MINDY2: variants seen among roughly 807,000 people sequenced by gnomAD.
MINDY2 encodes MINDY lysine 48 deubiquitinase 2.
Under a neutral mutation model 68.2 loss-of-function variants are expected in MINDY2, and 52 were observed. The ratio of observed to expected loss-of-function variants is 0.76; its 90% CI spans 0.61 to 0.96. MINDY2 has a LOEUF of 0.96. Ranked by LOEUF, MINDY2 falls within the 40% of genes least tolerant of loss-of-function variation. The pLI is 0.00. For synonymous variants in MINDY2, 372 were observed against 303.0 expected, an observed-to-expected ratio of 1.23 and a Z score of -2.36; for missense variants, 881 against 773.4, an observed-to-expected ratio of 1.14 and a Z score of -1.65.
chr15:58,792,106 T>C lies in MINDY2; in HGVS notation c.898+4143T>C, dbSNP rs150580878. ...ATAAGGAGGTCATTGATAACCTTGA[T>C]GAGTGTATGGAATGAAAACCTGACT... On this transcript the variant is annotated intron_variant, in intron 2 of 8. Coordinates refer to ENST00000559228, the MANE Select transcript of MINDY2 (RefSeq NM_001040450.3). Among the ~76,000 whole-genome samples the C allele has an allele frequency of 3.3e-5, 5 of 152,276 alleles. No homozygotes were observed. In the East Asian group the frequency reaches 7.7e-4, roughly 23 times the overall value.
intron 2 of MINDY2, among the ~76,000 whole-genome samples, chr15:58,799,684 T>A (rs567575052): frequency 3.3e-5 from 5 of 152,270 alleles, no homozygotes; most frequent in African/African-American, 7.2e-5. Context: ...GAATTTTGAT[T>A]GGCAAAGGTT....
Position 58,861,477 on chromosome 15 carries a change from C to G in MINDY2, c.*6867C>G, listed in dbSNP as rs1373877739. 15 of 152,048 alleles carry G rather than the reference C, an allele frequency of 9.9e-5. No individual in the cohort carries two copies. Among genetic ancestry groups the G allele is most frequent in the Admixed American group, 9.8e-4 (15 of 15,250 alleles). The allele number at this position is 152,048 out of a possible 1,614,324, so 9.4% of individuals were successfully genotyped here. On this transcript the variant is annotated 3_prime_UTR_variant, in exon 9 of 9. Coordinates refer to ENST00000559228, the MANE Select transcript of MINDY2 (RefSeq NM_001040450.3). The stretch of plus-strand genomic sequence containing the variant: ...ATTTCAATTGAGGAATAATAACAAC[C>G]CTAGAGATTCATAGGAAAGAGCATT...
intron 2 of MINDY2, among the ~76,000 whole-genome samples, chr15:58,791,024 C>T (rs1567043552): frequency 6.6e-6 from 1 of 150,830 alleles, no homozygotes; most frequent in African/African-American, 2.4e-5. Context: ...CTAAAAAATA[C>T]AAAAAATTAG....
chr15:58,833,742 A>G (rs1479703347), intron 6 of MINDY2, among the ~76,000 whole-genome samples: 1 of 151,978 alleles, frequency 6.6e-6, no homozygotes, highest in Non-Finnish European at 1.5e-5. Context: ...GTCTCAGTAG[A>G]TGGAGTATAC....
intron 8 of MINDY2, among the ~76,000 whole-genome samples, chr15:58,853,841 A>C (rs1213706199): frequency 7.2e-6 from 1 of 138,980 alleles, no homozygotes; most frequent in Non-Finnish European, 1.6e-5. Context: ...AAAAAAAAAA[A>C]AGTCTGTTTA....
rs1328758350 is a variant in MINDY2 at position 58,859,176 on chromosome 15, T to A, written c.*4566T>A. The A allele has an allele frequency of 6.6e-6, 1 of 152,134 alleles. No homozygotes were observed. The highest frequency in any genetic ancestry group is 2.4e-5 in the African/African-American group (1 of 41,452). The allele number at this position is 152,134 out of a possible 1,614,324, so 9.4% of individuals were successfully genotyped here. ...GCATTTTACAGTTTTTTGTGTGTTC[T>A]ATAGACTATAGAGTCAAAATCAAGA... is the stretch of plus-strand genomic sequence containing the variant. On this transcript the variant is annotated 3_prime_UTR_variant, in exon 9 of 9. Transcript: ENST00000559228.
chr15:58,852,635 C>T (rs1334058692), intron 8 of MINDY2, among the ~76,000 whole-genome samples: 1 of 152,122 alleles, frequency 6.6e-6, no homozygotes, highest in Non-Finnish European at 1.5e-5. Flanking sequence ...TAGTTGCAAC[C>T]TCTTGGATGA....
intron 6 of MINDY2, among the ~76,000 whole-genome samples, chr15:58,833,530 T>C (rs2031846093): frequency 6.6e-6 from 1 of 152,164 alleles, no homozygotes; most frequent in Admixed American, 6.6e-5. Context: ...TTATTGATCA[T>C]TATTGGGTGT....
Position 58,835,914 on chromosome 15 carries a change from G to C in MINDY2, c.1368+3998G>C, listed in dbSNP as rs186430015. Among the ~76,000 whole-genome samples the C allele has an allele frequency of 1.1e-3, 164 of 151,978 alleles. 1 individual carries two copies. The highest frequency in any genetic ancestry group is 3.8e-3 in the African/African-American group (159 of 41,476). ...AGTCTTGGGTTTTTTGTTTTGTTTT[G>C]TTTTGTTTTGTTTTTGAGATGGGGT... On this transcript the variant is annotated intron_variant, in intron 6 of 8. Transcript: ENST00000559228.
chr15:58,812,773 A>C (rs1285881860), intron 4 of MINDY2, among the ~76,000 whole-genome samples: 1 of 152,202 alleles, frequency 6.6e-6, no homozygotes, highest in Non-Finnish European at 1.5e-5. Flanking sequence ...TGGGAGGATC[A>C]CTTGTGCCCA....
At chr15:58,817,778 G>T (rs1258951877) in intron 4 of MINDY2, 1 of 152,156 alleles carries the variant, frequency 6.6e-6, no homozygotes, top group Non-Finnish European at 1.5e-5. Context: ...GTGAAGATGT[G>T]CAGCATAGAG....
rs1386954274 is a variant in MINDY2, at chr15:58,854,761, T to G, written c.*151T>G. 2.5e-6 allele frequency: 2 copies of G among 789,958 alleles called. No homozygotes were observed. Among genetic ancestry groups the G allele is most frequent in the Non-Finnish European group, 3.8e-6 (2 of 528,232 alleles). The allele number at this position is 789,958 out of a possible 1,614,324, so 48.9% of individuals were successfully genotyped here. On this transcript the variant is annotated 3_prime_UTR_variant, in exon 9 of 9. Coordinates refer to ENST00000559228, the MANE Select transcript of MINDY2 (RefSeq NM_001040450.3). ...GGGAACGGTTGTTACTTAGTTACAA[T>G]CAGACTTTTTCAAGTCACACAATAC...
In MINDY2 at chr15:58,788,129, A is replaced by G. The variant is rs528280070; in HGVS notation, c.898+166A>G. On this transcript the variant is annotated intron_variant, in intron 2 of 8. Transcript: ENST00000559228. ...TTTATCAGTATGTTACTGTTCTTAG[A>G]TGGTATAGTCTTCTTTCTGACCAGC... Among the ~76,000 whole-genome samples, 22 of 152,294 alleles carry G rather than the reference A, an allele frequency of 1.4e-4. 1 individual carries two copies. Among genetic ancestry groups the G allele is most frequent in the Admixed American group, 8.5e-4 (13 of 15,276 alleles).
intron 4 of MINDY2, among the ~76,000 whole-genome samples, chr15:58,813,083 C>A (rs1417910472): frequency 6.6e-6 from 1 of 152,136 alleles, no homozygotes; most frequent in Admixed American, 6.6e-5. Flanking sequence ...TTCATACTCA[C>A]CATAAGTCTC....
chr15:58,813,846 C>G (rs2030477023), intron 4 of MINDY2, among the ~76,000 whole-genome samples: 1 of 151,174 alleles, frequency 6.6e-6, no homozygotes, highest in Non-Finnish European at 1.5e-5. Flanking sequence ...TTCTCTGCAT[C>G]TTCATCAGCA....
intron 2 of MINDY2, among the ~76,000 whole-genome samples, chr15:58,793,806 G>C (rs1467241250): frequency 6.6e-6 from 1 of 152,126 alleles, no homozygotes; most frequent in Admixed American, 6.6e-5. Flanking sequence ...GTCATCAGCT[G>C]GGAGTGAGGA....
intron 4 of MINDY2, among the ~76,000 whole-genome samples, chr15:58,812,849 C>A (rs749266654): frequency 1.3e-5 from 2 of 152,116 alleles, no homozygotes; most frequent in Admixed American, 1.3e-4. Context: ...AAGAGCGAGA[C>A]CCTGTCTCAA....
At chr15:58,840,024 G>A (rs1349540991) in intron 6 of MINDY2, among the ~76,000 whole-genome samples, 9 of 151,880 alleles carry the variant, frequency 5.9e-5, no homozygotes. Flanking sequence ...AGTAGAGACG[G>A]GGTTTTGTCA....
At chr15:58,793,674 G>A (rs1902085424) in intron 2 of MINDY2, among the ~76,000 whole-genome samples, 1 of 152,078 alleles carries the variant, frequency 6.6e-6, no homozygotes, top group African/African-American at 2.4e-5. Flanking sequence ...GCCTTAGATA[G>A]TTCATCCATG....
Sources: gnomAD v4.1 joint callset for allele counts (sites outside exome capture counted in the v4.1 genomes callset) on GRCh38, gnomAD v4.1.1 for gene constraint, MANE v1.5 for transcripts, NCBI Gene and HGNC (gene_info 2026-07-23, HGNC 2026-07-21) for gene names.